The following SLC6A5 variants were observed in gnomAD, a reference collection of about 807,000 sequenced individuals.
The protein encoded by SLC6A5 is solute carrier family 6 member 5.
Under a neutral mutation model 90.5 loss-of-function variants are expected in SLC6A5, and 58 were observed. The ratio of observed to expected loss-of-function variants is 0.64; its 90% CI spans 0.52 to 0.80. The LOEUF is 0.80. Ranked by LOEUF, SLC6A5 falls within the 30% of genes least tolerant of loss-of-function variation. The pLI, the probability that SLC6A5 is intolerant of heterozygous loss-of-function variation, is 0.00. For synonymous variants in SLC6A5, 427 were observed against 401.4 expected, an observed-to-expected ratio of 1.06 and a Z score of -0.76; for missense variants, 1,015 against 1,017.6, an observed-to-expected ratio of 1.00 and a Z score of 0.03.
intron 2 of SLC6A5, among the ~76,000 whole-genome samples, chr11:20,602,509 T>C (rs1338680320): frequency 1.3e-5 from 2 of 152,184 alleles, no homozygotes; most frequent in Non-Finnish European, 2.9e-5. Flanking sequence ...CTCTTCTTTC[T>C]TCTGTCCTTT....
At chr11:20,608,142 G>T (rs1852619241) in intron 5 of SLC6A5, among the ~76,000 whole-genome samples, 1 of 152,222 alleles carries the variant, frequency 6.6e-6, no homozygotes, top group Admixed American at 6.5e-5. Context: ...GAGTCCAGGA[G>T]AGCGATCCTG....
intron 7 of SLC6A5, among the ~76,000 whole-genome samples, chr11:20,619,443 G>T (rs1397637099): frequency 1.3e-5 from 2 of 152,222 alleles, no homozygotes; most frequent in Admixed American, 6.5e-5. Context: ...GTTACCTGAG[G>T]CAGGTGGTAT....
chr11:20,627,519 T>A (rs10833369), intron 8 of SLC6A5, among the ~76,000 whole-genome samples: 2 of 152,052 alleles, frequency 1.3e-5, no homozygotes, highest in African/African-American at 2.4e-5. Flanking sequence ...CTATAAAGTC[T>A]GCAGCGGCAT....
intron 1 of SLC6A5, 133 bp from the exon 2 acceptor site, chr11:20,600,996 A>G (rs548882346): frequency 3.1e-5 from 27 of 857,756 alleles, no homozygotes; most frequent in South Asian, 1.9e-4. Context: ...TCTTTTAAAA[A>G]AAGTTCAGAT....
intron 14 of SLC6A5, among the ~76,000 whole-genome samples, chr11:20,647,332 T>TAA (rs1853436587): frequency 4.0e-5 from 2 of 49,752 alleles, no homozygotes; most frequent in Non-Finnish European, 5.0e-5. Context: ...GTTATATATA[T>TAA]AACTATATAT....
intron 13 of SLC6A5, among the ~76,000 whole-genome samples, chr11:20,639,443 C>A (rs1853271876): frequency 6.6e-6 from 1 of 152,050 alleles, no homozygotes; most frequent in Non-Finnish European, 1.5e-5. Flanking sequence ...ATATTCTAAG[C>A]TAAAAGGAAG....
chr11:20,600,053 G>A (rs1010901537), intron 1 of SLC6A5, among the ~76,000 whole-genome samples: 2 of 152,084 alleles, frequency 1.3e-5, no homozygotes, highest in Admixed American at 6.6e-5. Flanking sequence ...TATTCTGCGT[G>A]TTTGTGAAAG....
At chr11:20,626,881 G>A (rs779898367) in intron 8 of SLC6A5, 39 bp downstream of exon 8, 2 of 1,596,384 alleles carry the variant, frequency 1.3e-6, no homozygotes, top group South Asian at 2.2e-5. Flanking sequence ...CCCTGGGGGA[G>A]TGGCCCTCTG....
chr11:20,615,012 CAG>C, intron 6 of SLC6A5, among the ~76,000 whole-genome samples, 192 bp downstream of exon 6: 1 of 152,308 alleles, frequency 6.6e-6, no homozygotes, highest in Non-Finnish European at 1.5e-5. Flanking sequence ...GGATGAATGA[CAG>C]CAGTAGGAGC....
Position 20,638,564 on chromosome 11 carries a change from G to T in SLC6A5, c.1969+6G>T. The T allele has an allele frequency of 6.5e-7, 1 of 1,543,290 alleles. No individual in the cohort carries two copies. Among genetic ancestry groups the T allele is most frequent in the Non-Finnish European group, 9.0e-7 (1 of 1,115,790 alleles). On this transcript the variant is annotated splice_donor_region_variant and intron_variant, in intron 13 of 15. Transcript: ENST00000525748. ...GGGGATCTCTTATGTGTATGGTAAGGAAATCACTGTGCCTGTTGCTGAAGT... is the reference window on the plus strand; with the variant it reads ...GGGGATCTCTTATGTGTATGGTAAGTAAATCACTGTGCCTGTTGCTGAAGT...
intron 5 of SLC6A5, among the ~76,000 whole-genome samples, chr11:20,612,844 T>C (rs1442951126): frequency 2.0e-5 from 3 of 152,202 alleles, no homozygotes; most frequent in Non-Finnish European, 4.4e-5. Context: ...TTGCTCCTGG[T>C]ATTTAAAGAC....
chr11:20,606,923 G>A (rs753801424), intron 3 of SLC6A5, 84 bp from the exon 4 acceptor site: 347 of 1,571,940 alleles, frequency 2.2e-4, no homozygotes, highest in Non-Finnish European at 2.8e-4. Flanking sequence ...TTGAGAGGGA[G>A]CTCAGCCCCT....
chr11:20,601,732 G>C (rs1274830035), intron 2 of SLC6A5, 67 bp downstream of exon 2: 3 of 1,531,414 alleles, frequency 2.0e-6, no homozygotes, highest in African/African-American at 2.7e-5. Flanking sequence ...GGCCAGCCGG[G>C]CCGTGGCGGG....
chr11:20,617,118 C>T (rs946340542), intron 6 of SLC6A5, among the ~76,000 whole-genome samples: 6 of 152,194 alleles, frequency 3.9e-5, no homozygotes, highest in African/African-American at 1.4e-4. Context: ...AATGAGTTGC[C>T]AGCAGCAGCT....
Position 20,614,831 on chromosome 11 carries a change from T to G in SLC6A5, c.1127+11T>G. 1 of 1,610,844 alleles carries G rather than the reference T, an allele frequency of 6.2e-7. No individual in the cohort carries two copies. The highest frequency in any genetic ancestry group is 8.5e-7 in the Non-Finnish European group (1 of 1,176,930). On this transcript the variant is annotated intron_variant, in intron 6 of 15. Transcript: ENST00000525748. ...TGAAGAGTACTTCAAGTAAGATGAC[T>G]TTCTTTTTCCTTTTTTACCTTCTAA...
At chr11:20,611,888 C>A (rs913723288) in intron 5 of SLC6A5, among the ~76,000 whole-genome samples, 1 of 151,938 alleles carries the variant, frequency 6.6e-6, no homozygotes, top group Admixed American at 6.6e-5. Flanking sequence ...CTGTCCCTTG[C>A]AGGGGTATTG....
intron 11 of SLC6A5, 85 bp from the exon 12 acceptor site, chr11:20,637,087 C>T: frequency 2.1e-6 from 3 of 1,398,170 alleles, no homozygotes; most frequent in Non-Finnish European, 3.0e-6. Context: ...ATACAACTTT[C>T]CTGGATGGGA....
chr11:20,608,264 C>G (rs2586712), intron 5 of SLC6A5, among the ~76,000 whole-genome samples: 3 of 152,134 alleles, frequency 2.0e-5, no homozygotes, highest in Non-Finnish European at 4.4e-5. Flanking sequence ...ACTGGGGAGT[C>G]AGGGAGTGTT....
rs1367941409 is a variant in SLC6A5 at position 20,653,388 on chromosome 11, G to A, written c.2238+932G>A. Among the ~76,000 whole-genome samples the A allele has an allele frequency of 1.5e-4, 23 of 152,180 alleles. 1 individual carries two copies. Among genetic ancestry groups the A allele is most frequent in the Admixed American group, 1.4e-3 (22 of 15,282 alleles). ...TACAGTTTAACAAGCCCCCTCGTTA[G>A]CGAAGCATTGGACTAGACTCAGGTG... On this transcript the variant is annotated intron_variant, in intron 15 of 15. Transcript: ENST00000525748.
Sources: gnomAD v4.1 joint callset for allele counts (sites outside exome capture counted in the v4.1 genomes callset) on GRCh38, gnomAD v4.1.1 for gene constraint, MANE v1.5 for transcripts, NCBI Gene and HGNC (gene_info 2026-07-23, HGNC 2026-07-21) for gene names.